LRRC4C: variants seen among roughly 807,000 people sequenced by gnomAD.
LRRC4C encodes leucine rich repeat containing 4C.
Under a neutral mutation model 33.6 loss-of-function variants are expected in LRRC4C, and 5 were observed. That is an observed-to-expected ratio of 0.15 (90% CI 0.08 to 0.31). The LOEUF (loss-of-function observed/expected upper bound fraction) is 0.31, where lower values mean the gene tolerates loss of function less well. Ranked by LOEUF, LRRC4C falls within the 10% of genes least tolerant of loss-of-function variation. The pLI is 1.00. For synonymous variants in LRRC4C, 329 were observed against 302.0 expected (o/e 1.09, Z -0.93); for missense variants, 560 against 796.7 (o/e 0.70, Z 3.58).
At position 40,860,777 on chromosome 11, in the gene LRRC4C, C is replaced by CT. The variant is rs60307580; in HGVS notation, c.-407+72857dup. ...ATTCTGATGTTCCAGGGCTTAGGATCTTTTTTTTTTTTTTTTTTTTTTTTT... is the reference window on the plus strand; with the variant it reads ...ATTCTGATGTTCCAGGGCTTAGGATCTTTTTTTTTTTTTTTTTTTTTTTTTT... On this transcript the variant is annotated intron_variant, in intron 2 of 6. Coordinates refer to ENST00000528697, the MANE Select transcript of LRRC4C (RefSeq NM_001258419.2). 3.2e-4 allele frequency among the ~76,000 whole-genome samples: 14 copies of CT among 43,226 alleles called. 2 individuals are homozygous for CT. The highest frequency in any genetic ancestry group is 1.3e-3 in the African/African-American group (14 of 11,188). The allele number at this position is 43,226 out of a possible 152,430, so 28.4% of individuals were successfully genotyped here. A position where few individuals can be genotyped will look rare whatever the true frequency, so the allele number is the denominator to read the frequency against.
chr11:40,268,267 A>G (rs1362302636), intron 4 of LRRC4C, among the ~76,000 whole-genome samples: 2 of 152,324 alleles, frequency 1.3e-5, no homozygotes, highest in East Asian at 1.9e-4. Flanking sequence ...TTTTAATATG[A>G]GAAACTACTA....
chr11:40,980,680 C>G (rs913782782), intron 1 of LRRC4C, among the ~76,000 whole-genome samples: 2 of 152,142 alleles, frequency 1.3e-5, no homozygotes, highest in African/African-American at 4.8e-5. Flanking sequence ...GTAAAGAAAA[C>G]TAAGAACCTT....
chr11:40,408,561 C>G (rs751792702), intron 3 of LRRC4C, among the ~76,000 whole-genome samples: 5 of 151,810 alleles, frequency 3.3e-5, no homozygotes, highest in African/African-American at 4.8e-5. Flanking sequence ...TCATTTTACT[C>G]AGGACTAAAG....
chr11:40,329,780 C>T (rs1946274573), intron 3 of LRRC4C, among the ~76,000 whole-genome samples: 1 of 140,886 alleles, frequency 7.1e-6, no homozygotes, highest in Non-Finnish European at 1.5e-5. Context: ...CTCAATCTGT[C>T]GCCCAGGCTG....
intron 2 of LRRC4C, among the ~76,000 whole-genome samples, chr11:40,815,140 A>G (rs1951654754): frequency 6.6e-6 from 1 of 152,154 alleles, no homozygotes; most frequent in African/African-American, 2.4e-5. Context: ...GGTTTAACTG[A>G]CTCACAGTTT....
intron 1 of LRRC4C, among the ~76,000 whole-genome samples, chr11:41,134,108 C>T (rs1402716082): frequency 6.6e-6 from 1 of 152,010 alleles, no homozygotes; most frequent in Non-Finnish European, 1.5e-5. Context: ...TACTTATTTA[C>T]TTATTTTGAG....
chr11:40,964,817 G>A (rs987128989), intron 1 of LRRC4C, among the ~76,000 whole-genome samples: 2 of 151,690 alleles, frequency 1.3e-5, no homozygotes, highest in East Asian at 1.9e-4. Flanking sequence ...TGTGAATAGT[G>A]CCACAATAAA....
intron 1 of LRRC4C, among the ~76,000 whole-genome samples, chr11:41,239,169 A>C (rs1052692418): frequency 1.3e-5 from 2 of 150,578 alleles, no homozygotes; most frequent in East Asian, 1.9e-4. Flanking sequence ...AAAAAAAAAA[A>C]AAATTAGCCG....
At chr11:41,266,402 G>T (rs578242881) in intron 1 of LRRC4C, among the ~76,000 whole-genome samples, 5 of 152,122 alleles carry the variant, frequency 3.3e-5, no homozygotes, top group African/African-American at 1.2e-4. Context: ...TTTATGACTG[G>T]AGCTAAAGGT....
At position 40,933,738 on chromosome 11, in the gene LRRC4C, C is replaced by T. The variant is rs1234160585; in HGVS notation, c.-495-15G>A. 2 of 152,150 alleles carry T rather than the reference C, an allele frequency of 1.3e-5. No individual in the cohort carries two copies. The highest frequency in any genetic ancestry group is 2.1e-4 in the South Asian group (1 of 4,832). 9.4% of individuals were successfully genotyped at this position (152,150 alleles called of 1,614,324 possible). A position where few individuals can be genotyped will look rare whatever the true frequency, so the allele number is the denominator to read the frequency against. ...GAGAACCATTTCTAGAAAAGACATA[C>T]GATTAAAACATGGCATTACATTTAA... On this transcript the variant is annotated splice_polypyrimidine_tract_variant and intron_variant, in intron 1 of 6. Coordinates refer to ENST00000528697, the MANE Select transcript of LRRC4C (RefSeq NM_001258419.2).
At chr11:41,244,188 T>TCTATCTATCTATCTAC (rs1384959472) in intron 1 of LRRC4C, among the ~76,000 whole-genome samples, 10 of 150,492 alleles carry the variant, frequency 6.6e-5, no homozygotes, top group African/African-American at 2.4e-4. Flanking sequence ...TATCTATCTA[T>TCTATCTATCTATCTAC]CTATCGATCG....
At chr11:40,736,492 G>A (rs959268000) in intron 2 of LRRC4C, among the ~76,000 whole-genome samples, 3 of 151,968 alleles carry the variant, frequency 2.0e-5, no homozygotes, top group Non-Finnish European at 4.4e-5. Flanking sequence ...ATGTGTTTTT[G>A]CAGTAGAATT....
At chr11:40,243,601 A>G (rs1388749758) in intron 4 of LRRC4C, among the ~76,000 whole-genome samples, 2 of 151,446 alleles carry the variant, frequency 1.3e-5, no homozygotes, top group African/African-American at 2.4e-5. Flanking sequence ...TATGTATATC[A>G]CTTTTTTAAT....
intron 3 of LRRC4C, among the ~76,000 whole-genome samples, chr11:40,415,662 T>C (rs1005032471): frequency 2.0e-5 from 3 of 152,194 alleles, no homozygotes; most frequent in Non-Finnish European, 1.5e-5. Flanking sequence ...AGGAGCCTTG[T>C]CTTATTTTTC....
intron 3 of LRRC4C, among the ~76,000 whole-genome samples, chr11:40,434,869 GAGAA>G (rs967770080): frequency 3.9e-5 from 6 of 152,096 alleles, no homozygotes; most frequent in African/African-American, 1.4e-4. Flanking sequence ...GAATATAAAA[GAGAA>G]AGAGAGAATG....
At chr11:40,895,465 CA>C (rs1198788581) in intron 2 of LRRC4C, among the ~76,000 whole-genome samples, 6 of 152,028 alleles carry the variant, frequency 3.9e-5, no homozygotes, top group Admixed American at 2.6e-4. Flanking sequence ...TTTGCAGATA[CA>C]AAAATGCCCC....
At chr11:40,762,297 C>T (rs1949252850) in intron 2 of LRRC4C, among the ~76,000 whole-genome samples, 1 of 152,182 alleles carries the variant, frequency 6.6e-6, no homozygotes, top group African/African-American at 2.4e-5. Context: ...GAGAATCTAA[C>T]TGTAGTTTAG....
chr11:40,185,202 G>T (rs1398844919), intron 5 of LRRC4C, among the ~76,000 whole-genome samples: 1 of 152,140 alleles, frequency 6.6e-6, no homozygotes, highest in Non-Finnish European at 1.5e-5. Flanking sequence ...GTATATACAT[G>T]TGCTTGTGTG....
At chr11:40,145,545 T>C (rs1857667170) in intron 5 of LRRC4C, among the ~76,000 whole-genome samples, 1 of 152,158 alleles carries the variant, frequency 6.6e-6, no homozygotes, top group Admixed American at 6.6e-5. Flanking sequence ...TACAGAGTTA[T>C]AAAGGGACCT....
Sources: gnomAD v4.1 joint callset for allele counts (sites outside exome capture counted in the v4.1 genomes callset) on GRCh38, gnomAD v4.1.1 for gene constraint, MANE v1.5 for transcripts, NCBI Gene and HGNC (gene_info 2026-07-23, HGNC 2026-07-21) for gene names.